Variants in KHDRBS2 observed in about 807,000 individuals in gnomAD.
The protein encoded by KHDRBS2 is KH RNA binding domain containing, signal transduction associated 2, also known as KH domain-containing, RNA-binding, signal transduction-associated protein 2.
Under a neutral mutation model 44.3 loss-of-function variants are expected in KHDRBS2, and 26 were observed. That is an observed-to-expected ratio of 0.59 (90% CI 0.43 to 0.81). The LOEUF is 0.81. Among genes scored for constraint, KHDRBS2 ranks in the 40% least tolerant of loss-of-function variants. The pLI is 0.00. For synonymous variants in KHDRBS2, 194 were observed against 151.1 expected, an observed-to-expected ratio of 1.28 and a Z score of -2.08; for missense variants, 476 against 433.1, an observed-to-expected ratio of 1.10 and a Z score of -0.88.
Position 61,869,077 on chromosome 6 carries a change from G to T in KHDRBS2, c.810+25558C>A, listed in dbSNP as rs141770027. 2.5e-3 allele frequency among the ~76,000 whole-genome samples: 379 copies of T among 152,200 alleles called. 2 individuals carry two copies. The highest frequency in any genetic ancestry group is 8.4e-3 in the African/African-American group (349 of 41,526). On this transcript the variant is annotated intron_variant, in intron 6 of 8. Transcript: ENST00000281156. ...TTCATTCACTGCTTCCCTTGGCTGG[G>T]GAGGGGGGTTCCCTTGCGTCCACAT...
At chr6:61,747,193 A>G (rs1340118682) in intron 6 of KHDRBS2, among the ~76,000 whole-genome samples, 1 of 152,216 alleles carries the variant, frequency 6.6e-6, no homozygotes, top group East Asian at 1.9e-4. Context: ...ACCAAAGCTT[A>G]AAATGTTGTT....
intron 4 of KHDRBS2, among the ~76,000 whole-genome samples, chr6:61,918,578 C>T (rs1807455395): frequency 6.6e-6 from 1 of 151,868 alleles, no homozygotes; most frequent in African/African-American, 2.4e-5. Context: ...GGAAGAGATC[C>T]CTCACCAGAA....
intron 7 of KHDRBS2, among the ~76,000 whole-genome samples, chr6:61,703,483 C>T (rs138557884): frequency 0.012 from 1,890 of 151,860 alleles, 31 homozygotes; most frequent in African/African-American, 0.043. Flanking sequence ...ATTTTGTTCT[C>T]ATCAGCATTT....
At chr6:62,026,503 G>A (rs2127286671) in intron 3 of KHDRBS2, among the ~76,000 whole-genome samples, 1 of 151,072 alleles carries the variant, frequency 6.6e-6, no homozygotes, top group South Asian at 2.1e-4. Flanking sequence ...CACAATAATG[G>A]CACACATTAG....
intron 3 of KHDRBS2, among the ~76,000 whole-genome samples, chr6:62,009,292 A>G: frequency 6.6e-6 from 1 of 152,204 alleles, no homozygotes; most frequent in East Asian, 1.9e-4. Context: ...TTTGAACTTG[A>G]GAGAAATGAT....
chr6:61,993,674 T>TATATATATATATATATATA (rs58974944), intron 3 of KHDRBS2, among the ~76,000 whole-genome samples: 24 of 84,250 alleles, frequency 2.8e-4, no homozygotes, highest in Non-Finnish European at 4.3e-4. Flanking sequence ...TATATATATA[T>TATATATATATATATATATA]TTTTTTTTTT....
chr6:62,022,554 G>A (rs1406390301), intron 3 of KHDRBS2, among the ~76,000 whole-genome samples: 1 of 151,652 alleles, frequency 6.6e-6, no homozygotes, highest in East Asian at 1.9e-4. Flanking sequence ...AGTTTATAAT[G>A]ACAATTGAGA....
chr6:62,097,228 T>C (rs1048698066), intron 2 of KHDRBS2, among the ~76,000 whole-genome samples: 3 of 151,932 alleles, frequency 2.0e-5, no homozygotes, highest in African/African-American at 7.2e-5. Context: ...ATGTTCTGTA[T>C]AGGTCTGTTA....
intron 3 of KHDRBS2, among the ~76,000 whole-genome samples, chr6:61,993,650 C>CATATTTATATAT (rs1776562767): frequency 1.5e-5 from 1 of 66,374 alleles, no homozygotes; most frequent in Non-Finnish European, 3.5e-5. Flanking sequence ...CCCATAAAAT[C>CATATTTATATAT]ATATATATAT....
At chr6:61,543,301 G>T in the KHDRBS2 span, among the ~76,000 whole-genome samples, 1 of 151,908 alleles carries the variant, frequency 6.6e-6, no homozygotes, top group Non-Finnish European at 1.5e-5. Context: ...ATGAGCAAAA[G>T]ATCTCAGTAG....
chr6:62,164,892 T>C (rs1230110951), intron 2 of KHDRBS2, among the ~76,000 whole-genome samples: 1 of 151,890 alleles, frequency 6.6e-6, no homozygotes, highest in Non-Finnish European at 1.5e-5. Context: ...AAATTAATCA[T>C]AACTTGTATT....
chr6:61,856,156 G>A (rs891177092), intron 6 of KHDRBS2, among the ~76,000 whole-genome samples: 2 of 151,950 alleles, frequency 1.3e-5, no homozygotes, highest in African/African-American at 2.4e-5. Context: ...ATTTCACTAT[G>A]TGCTTTCATA....
At chr6:61,630,407 G>A in the KHDRBS2 span, 1 of 151,914 alleles carries the variant, frequency 6.6e-6, no homozygotes, top group African/African-American at 2.4e-5. Flanking sequence ...CAGCAGCAAG[G>A]TGAATGGCTG....
intron 1 of KHDRBS2, among the ~76,000 whole-genome samples, chr6:62,209,235 T>C (rs1423970475): frequency 6.6e-6 from 1 of 152,114 alleles, no homozygotes; most frequent in African/African-American, 2.4e-5. Context: ...AAAGGAAAAA[T>C]AGAAACATAC....
intron 7 of KHDRBS2, among the ~76,000 whole-genome samples, chr6:61,720,272 G>A (rs1041223560): frequency 5.3e-5 from 8 of 152,084 alleles, no homozygotes; most frequent in Non-Finnish European, 1.2e-4. Context: ...GCATGATTTA[G>A]AGTCCTTTGG....
chr6:62,067,890 CTTTA>C (rs1268533236), intron 2 of KHDRBS2, among the ~76,000 whole-genome samples: 6 of 151,428 alleles, frequency 4.0e-5, no homozygotes, highest in Non-Finnish European at 8.9e-5. Context: ...TGTGTTGGAA[CTTTA>C]TTTATTTATT....
At chr6:62,133,965 A>G (rs1810935946) in intron 2 of KHDRBS2, among the ~76,000 whole-genome samples, 1 of 152,200 alleles carries the variant, frequency 6.6e-6, no homozygotes, top group Non-Finnish European at 1.5e-5. Context: ...TAAAAGGGAA[A>G]CAGAACATAA....
intron 1 of KHDRBS2, among the ~76,000 whole-genome samples, chr6:62,247,032 C>A (rs1383903337): frequency 6.6e-6 from 1 of 152,078 alleles, no homozygotes; most frequent in South Asian, 2.1e-4. Context: ...CATATTCACA[C>A]AAACTGTCTC....
At chr6:61,550,947 A>AT in the KHDRBS2 span, among the ~76,000 whole-genome samples, 1 of 151,320 alleles carries the variant, frequency 6.6e-6, no homozygotes, top group East Asian at 2.0e-4. Context: ...CAATTTTTGT[A>AT]TTTTTTGGTG....
Sources: gnomAD v4.1 joint callset for allele counts (sites outside exome capture counted in the v4.1 genomes callset) on GRCh38, gnomAD v4.1.1 for gene constraint, MANE v1.5 for transcripts, NCBI Gene and HGNC (gene_info 2026-07-23, HGNC 2026-07-21) for gene names.